Variants in PCDH7 observed in about 807,000 individuals in gnomAD.
PCDH7 encodes protocadherin 7.
Under a neutral mutation model 58.9 loss-of-function variants are expected in PCDH7, and 17 were observed. The observed-to-expected ratio is 0.29, with a 90% confidence interval of 0.20 to 0.43. PCDH7 has a LOEUF of 0.43. Ranked by LOEUF, PCDH7 falls within the 20% of genes least tolerant of loss-of-function variation. The pLI, the probability that PCDH7 is intolerant of heterozygous loss-of-function variation, is 1.00. For synonymous variants in PCDH7, 664 were observed against 616.4 expected (o/e 1.08, Z -1.14); for missense variants, 1,274 against 1,441.0 (o/e 0.88, Z 1.88).
At chr4:30,748,027 T>C (rs1301752878) in intron 1 of PCDH7, among the ~76,000 whole-genome samples, 1 of 152,236 alleles carries the variant, frequency 6.6e-6, no homozygotes, top group Non-Finnish European at 1.5e-5. Flanking sequence ...AGCAAAAGTT[T>C]AAGCAATCAG....
chr4:30,791,436 TAAG>T (rs1724108769), intron 1 of PCDH7, among the ~76,000 whole-genome samples: 1 of 152,220 alleles, frequency 6.6e-6, no homozygotes, highest in African/African-American at 2.4e-5. Context: ...GTGGCCGGTA[TAAG>T]AAGAATTCAA....
chr4:30,974,225 TTTC>T (rs2109476716), intron 3 of PCDH7, among the ~76,000 whole-genome samples: 1 of 131,376 alleles, frequency 7.6e-6, no homozygotes, highest in East Asian at 3.0e-4. Context: ...TTTCTCTTTC[TTTC>T]TTTCTTTTTC....
At chr4:30,984,116 A>G (rs1156251454) in intron 3 of PCDH7, among the ~76,000 whole-genome samples, 1 of 152,138 alleles carries the variant, frequency 6.6e-6, no homozygotes, top group Non-Finnish European at 1.5e-5. Context: ...ATTCAAACAT[A>G]CTAATTAATA....
intron 1 of PCDH7, among the ~76,000 whole-genome samples, chr4:30,911,433 C>A (rs575620332): frequency 6.6e-6 from 1 of 151,340 alleles, no homozygotes; most frequent in African/African-American, 2.4e-5. Flanking sequence ...GTGGCAGAGA[C>A]CTATGGCCCA....
chr4:30,742,412 C>T (rs1717199919), intron 1 of PCDH7, among the ~76,000 whole-genome samples: 2 of 152,064 alleles, frequency 1.3e-5, no homozygotes, highest in South Asian at 2.1e-4. Flanking sequence ...AATAGGATAG[C>T]ATATGCACAT....
intron 3 of PCDH7, among the ~76,000 whole-genome samples, chr4:31,068,303 TAA>T (rs113645985): frequency 4.1e-4 from 59 of 142,876 alleles, no homozygotes; most frequent in Middle Eastern, 3.7e-3. Context: ...AAAACTGCTC[TAA>T]AAAAAAAAAA....
chr4:30,814,470 G>A (rs1411029019), intron 1 of PCDH7, among the ~76,000 whole-genome samples: 1 of 152,002 alleles, frequency 6.6e-6, no homozygotes, highest in Non-Finnish European at 1.5e-5. Context: ...CATATTAAAT[G>A]CAGTATTGCC....
At position 30,722,818 on chromosome 4, in the gene PCDH7, G is replaced by A; in HGVS notation, c.1396G>A (p.Val466Met). The A allele has an allele frequency of 6.2e-7, 1 of 1,613,630 alleles. No individual in the cohort carries two copies. The highest frequency in any genetic ancestry group is 8.5e-7 in the Non-Finnish European group (1 of 1,180,032). ...GGTCACCTGCACCGTGGTGGGCGAC[G>A]TGCCCTTCCAGCTCAAGCCAGCCAG... The change falls in exon 1 of 2, where the codon GTG becomes ATG. Residue 466 changes from valine (V) to methionine (M), a missense_variant. Val to Met is a conservative substitution (Grantham distance 21, BLOSUM62 1). This residue lies in a region of PCDH7 where 731 missense variants were observed against 881.9 expected (regional missense o/e 0.83). Transcript: ENST00000361762. The surrounding 1 kb of genome is among the most constrained non-coding windows in gnomAD (Gnocchi z 7.6).
chr4:31,115,266 T>C (rs1716854095), intron 3 of PCDH7, among the ~76,000 whole-genome samples: 1 of 152,168 alleles, frequency 6.6e-6, no homozygotes, highest in Non-Finnish European at 1.5e-5. Context: ...ATTTGGAAGA[T>C]TTTTCTGTAT....
intron 1 of PCDH7, among the ~76,000 whole-genome samples, chr4:30,728,288 T>G (rs998203830): frequency 3.2e-5 from 3 of 92,502 alleles, no homozygotes; most frequent in Non-Finnish European, 6.9e-5. Context: ...TATATATATA[T>G]ATATATATAG....
In PCDH7 at chr4:30,928,137, C is replaced by A. The variant is rs536047749; in HGVS notation, c.287+7768C>A. 1.6e-4 allele frequency among the ~76,000 whole-genome samples: 24 copies of A among 152,252 alleles called. 1 individual carries two copies. Among genetic ancestry groups the A allele is most frequent in the South Asian group, 8.3e-4 (4 of 4,832 alleles). ...ATTACAGTCATGCACCTGTTCAAGG[C>A]TGTTCTCAAACTCCTGGAATCAGGG... is the stretch of plus-strand genomic sequence containing the variant. On this transcript the variant is annotated intron_variant, in intron 2 of 3. Coordinates refer to the PCDH7 transcript ENST00000509759.
chr4:30,776,839 GATT>G (rs1310428620), intron 1 of PCDH7, among the ~76,000 whole-genome samples: 1 of 144,134 alleles, frequency 6.9e-6, no homozygotes, highest in South Asian at 2.3e-4. Context: ...TCAGAAATAT[GATT>G]ATAATTTTGA....
chr4:30,961,118 C>G (rs1560535993), intron 3 of PCDH7, among the ~76,000 whole-genome samples: 2 of 151,960 alleles, frequency 1.3e-5, no homozygotes, highest in Admixed American at 6.6e-5. Flanking sequence ...AATACAGTCA[C>G]TTATTATTTC....
chr4:30,753,879 C>T (rs1718912381), intron 1 of PCDH7, among the ~76,000 whole-genome samples: 1 of 151,992 alleles, frequency 6.6e-6, no homozygotes. Context: ...AAGAGAAAAA[C>T]ATTACATTTG....
In PCDH7 at chr4:30,894,463, G is replaced by GGAAAAAAAAAAAAA. The variant is rs1393250151; in HGVS notation, c.71-25690_71-25689insGAAAAAAAAAAAAA. Among the ~76,000 whole-genome samples the GGAAAAAAAAAAAAA allele has an allele frequency of 1.5e-4, 2 of 13,038 alleles. 1 individual carries two copies. The highest frequency in any genetic ancestry group is 5.5e-4 in the African/African-American group (2 of 3,628). 8.6% of individuals were successfully genotyped at this position (13,038 alleles called of 152,430 possible). The stretch of plus-strand genomic sequence containing the variant: ...TGGTCTGGAGACCAGTTTCATTCAG[G>GGAAAAAAAAAAAAA]AAAAAAAAAAAAAAAAAAAAAAAAA... On this transcript the variant is annotated intron_variant, in intron 1 of 3. Coordinates refer to the PCDH7 transcript ENST00000509759.
intron 3 of PCDH7, among the ~76,000 whole-genome samples, chr4:31,127,991 G>T (rs1308603962): frequency 2.0e-5 from 3 of 151,328 alleles, no homozygotes; most frequent in African/African-American, 7.3e-5. Context: ...ACCTATATGT[G>T]TGTGCATATA....
At chr4:31,015,771 C>A (rs539946160) in intron 3 of PCDH7, among the ~76,000 whole-genome samples, 106 of 152,236 alleles carry the variant, frequency 7.0e-4, no homozygotes, top group African/African-American at 2.4e-3. Context: ...GTTTTCTTTG[C>A]ACTTTCCAAA....
intron 3 of PCDH7, among the ~76,000 whole-genome samples, chr4:30,992,852 G>A (rs558019053): frequency 3.6e-5 from 5 of 139,124 alleles, no homozygotes; most frequent in Admixed American, 7.7e-5. Flanking sequence ...AGGCTGGAGT[G>A]CAATGGCATG....
chr4:31,037,726 G>A (rs1755537032), intron 3 of PCDH7, among the ~76,000 whole-genome samples: 1 of 152,202 alleles, frequency 6.6e-6, no homozygotes, highest in Admixed American at 6.5e-5. Flanking sequence ...ATGCTGGTGA[G>A]TGTACTCTAG....
Sources: allele counts gnomAD v4.1 joint callset (sites outside exome capture counted in the v4.1 genomes callset), GRCh38; gene constraint gnomAD v4.1.1; regional missense constraint gnomAD v4.1.1; non-coding constraint Gnocchi (gnomAD v3.1); transcripts MANE v1.5; gene names NCBI Gene and HGNC (gene_info 2026-07-23, HGNC 2026-07-21).